The following HDAC4 variants were observed in gnomAD, a reference collection of about 807,000 sequenced individuals.
HDAC4 encodes histone deacetylase A.
A neutral mutation model predicts 135.1 loss-of-function variants in HDAC4; 16 were observed. The ratio of observed to expected loss-of-function variants is 0.12; its 90% confidence interval spans 0.08 to 0.18. The LOEUF (loss-of-function observed/expected upper bound fraction) is 0.18, where lower values mean the gene tolerates loss of function less well. Among genes scored for constraint, HDAC4 ranks in the 10% least tolerant of loss-of-function variants. The pLI is 1.00. For synonymous variants in HDAC4, 685 were observed against 653.4 expected, an observed-to-expected ratio of 1.05 and a Z score of -0.74; for missense variants, 1,143 against 1,511.8, an observed-to-expected ratio of 0.76 and a Z score of 4.05.
intron 11 of HDAC4, 123 bp downstream of exon 11, chr2:239,134,122 G>T: frequency 2.6e-6 from 2 of 758,410 alleles, no homozygotes; most frequent in South Asian, 2.9e-5. Flanking sequence ...ATGTGTGTTT[G>T]GGAACTGTGG....
chr2:239,386,532 T>C (rs1695820916), intron 1 of HDAC4, among the ~76,000 whole-genome samples: 1 of 152,044 alleles, frequency 6.6e-6, no homozygotes, highest in African/African-American at 2.4e-5. Context: ...CCACGGATGT[T>C]GGTGGGTAAG....
chr2:239,094,922 A>C, intron 17 of HDAC4, 88 bp downstream of exon 17: 2 of 1,608,706 alleles, frequency 1.2e-6, no homozygotes, highest in Non-Finnish European at 8.5e-7. Flanking sequence ...GCAATTATTC[A>C]CTTTGAGGGA....
Position 239,082,186 on chromosome 2 carries a change from G to A in HDAC4, c.2568C>T (p.Phe856=). Reference sequence around the variant, plus strand: ...TGTACAGGACGCTGGGGTCGCTGTAGAAAGCCTGCTGGGTCCCGTTTCCAT... The same window carrying A: ...TGTACAGGACGCTGGGGTCGCTGTAAAAAGCCTGCTGGGTCCCGTTTCCAT... ...VHHGNGTQQA[F]YSDPSVLYMS... is the part of the protein sequence containing the mutation. Residue 856 remains phenylalanine, a synonymous_variant, in exon 21 of 27, where the codon TTC becomes TTT. Coordinates refer to ENST00000543185, the MANE Select transcript of HDAC4 (RefSeq NM_001378414.1). 1 of 1,614,188 alleles carries A rather than the reference G, an allele frequency of 6.2e-7. No homozygotes were observed.
At chr2:239,191,045 C>T in intron 3 of HDAC4, 1 of 458,666 alleles carries the variant, frequency 2.2e-6, no homozygotes, top group Non-Finnish European at 4.4e-6. Context: ...ACACGCGACT[C>T]TGCCGAAAAC....
intron 22 of HDAC4, among the ~76,000 whole-genome samples, chr2:239,072,313 A>G (rs1481740469): frequency 6.6e-6 from 1 of 152,248 alleles, no homozygotes; most frequent in East Asian, 1.9e-4. Flanking sequence ...TGCATTTTCT[A>G]CGAACTTTTA....
In HDAC4 at chr2:239,400,852, GGGC is replaced by G. The variant is rs889855385; in HGVS notation, c.-220+123_-220+125del. 5.3e-4 allele frequency: 77 copies of G among 145,368 alleles called. No homozygotes were observed. The highest frequency in any genetic ancestry group is 4.0e-3 in the Admixed American group (58 of 14,626). 9.0% of individuals were successfully genotyped at this position (145,368 alleles called of 1,614,324 possible). On this transcript the variant is annotated intron_variant, in intron 1 of 26. Coordinates refer to ENST00000543185, the MANE Select transcript of HDAC4 (RefSeq NM_001378414.1). The surrounding 1 kb of genome is among the most constrained non-coding windows in gnomAD (Gnocchi z 4.7). Reference sequence around the variant, plus strand: ...GGGGGCCCAGGCTGGGAGGCTGTTCGGGCGGCGGCGGCGGCGGCGCGGGCGGGT... The same window carrying G: ...GGGGGCCCAGGCTGGGAGGCTGTTCGGGCGGCGGCGGCGGCGCGGGCGGGT...
At chr2:239,134,132 G>C (rs1190470554) in intron 11 of HDAC4, 113 bp downstream of exon 11, 2 of 797,904 alleles carry the variant, frequency 2.5e-6, no homozygotes, top group Non-Finnish European at 4.2e-6. Context: ...GGGAACTGTG[G>C]GGGTGGGACA....
At chr2:239,237,656 GTTCAATA>G (rs897036457) in intron 2 of HDAC4, among the ~76,000 whole-genome samples, 1 of 151,948 alleles carries the variant, frequency 6.6e-6, no homozygotes, top group African/African-American at 2.4e-5. Flanking sequence ...CCTTGGAGAT[GTTCAATA>G]TTCAAGAACG....
rs2125910415 is a variant in HDAC4, at chr2:239,349,348, C to CA, written c.22+3329dup. 6.6e-6 allele frequency among the ~76,000 whole-genome samples: 1 copy of CA among 152,350 alleles called. No individual in the cohort carries two copies. The highest frequency in any genetic ancestry group is 1.9e-4 in the East Asian group (1 of 5,188). ...CAGCGGTTCCGTGGCTGTGCTCTGA[C>CA]ACACCTAGAAATTTCCCGCTCAAGA... On this transcript the variant is annotated intron_variant, in intron 2 of 26. Coordinates refer to ENST00000543185, the MANE Select transcript of HDAC4 (RefSeq NM_001378414.1). The surrounding 1 kb of genome is among the most constrained non-coding windows in gnomAD (Gnocchi z 5.7).
intron 3 of HDAC4, among the ~76,000 whole-genome samples, chr2:239,190,571 A>T (rs996542975): frequency 1.3e-5 from 2 of 152,194 alleles, no homozygotes; most frequent in Non-Finnish European, 2.9e-5. Flanking sequence ...GAGCCACAAG[A>T]GCGTGTGCCC....
chr2:239,181,428 C>A (rs1326416411), intron 4 of HDAC4, among the ~76,000 whole-genome samples: 1 of 152,266 alleles, frequency 6.6e-6, no homozygotes, highest in Non-Finnish European at 1.5e-5. Flanking sequence ...GCACCCACCA[C>A]GCCCGGCAGC....
intron 1 of HDAC4, among the ~76,000 whole-genome samples, chr2:239,366,171 G>A (rs1028515561): frequency 4.0e-5 from 6 of 148,698 alleles, no homozygotes; most frequent in Non-Finnish European, 8.9e-5. Flanking sequence ...AGGGTCATGC[G>A]TGTGGCACTA....
rs2030889743 is a variant in HDAC4 at position 239,051,773 on chromosome 2, C to G, written c.*1324G>C. 1 of 152,364 alleles carries G rather than the reference C, an allele frequency of 6.6e-6. No individual in the cohort carries two copies. The highest frequency in any genetic ancestry group is 2.4e-5 in the African/African-American group (1 of 41,416). 9.4% of individuals were successfully genotyped at this position (152,364 alleles called of 1,614,324 possible). On this transcript the variant is annotated 3_prime_UTR_variant, in exon 27 of 27. Transcript: ENST00000543185. The stretch of plus-strand genomic sequence containing the variant: ...AACATGAATTTCAATCAATCAGGAT[C>G]CCTTTCCATAAGCACCTTGAGAGCA...
chr2:239,269,186 C>A (rs779833183), intron 2 of HDAC4, among the ~76,000 whole-genome samples: 35 of 152,020 alleles, frequency 2.3e-4, no homozygotes, highest in Admixed American at 8.5e-4. Flanking sequence ...CACATTCACA[C>A]ACCCACACAC....
intron 1 of HDAC4, among the ~76,000 whole-genome samples, chr2:239,396,052 C>T (rs1474823464): frequency 6.6e-6 from 1 of 152,154 alleles, no homozygotes; most frequent in Non-Finnish European, 1.5e-5. Flanking sequence ...TCACACCTCA[C>T]TGCAACCTTG....
chr2:239,092,465 G>A (rs1214150054), intron 17 of HDAC4, among the ~76,000 whole-genome samples: 2 of 152,160 alleles, frequency 1.3e-5, no homozygotes, highest in African/African-American at 4.8e-5. Flanking sequence ...AGCGGAGGGT[G>A]TACTACACCC....
intron 3 of HDAC4, among the ~76,000 whole-genome samples, chr2:239,192,056 T>G (rs147764763): frequency 3.2e-4 from 48 of 152,376 alleles, no homozygotes; most frequent in Non-Finnish European, 5.6e-4. Context: ...AGTTTTTAAT[T>G]GGGTGTCGAC....
intron 2 of HDAC4, among the ~76,000 whole-genome samples, chr2:239,274,954 T>G (rs1487676112): frequency 6.6e-6 from 1 of 152,198 alleles, no homozygotes; most frequent in Non-Finnish European, 1.5e-5. Flanking sequence ...AAGTAATCTT[T>G]GCAAAGAGCC....
intron 2 of HDAC4, among the ~76,000 whole-genome samples, chr2:239,300,384 G>C (rs73100773): frequency 6.6e-6 from 1 of 152,174 alleles, no homozygotes; most frequent in South Asian, 2.1e-4. Context: ...CCAGTTCCTC[G>C]GCCACACCAT....
Sources: allele counts gnomAD v4.1 joint callset (sites outside exome capture counted in the v4.1 genomes callset), GRCh38; gene constraint gnomAD v4.1.1; non-coding constraint Gnocchi (gnomAD v3.1); transcripts MANE v1.5; gene names NCBI Gene and HGNC (gene_info 2026-07-23, HGNC 2026-07-21).